CACNA2D1: variants seen among roughly 807,000 people sequenced by gnomAD.
CACNA2D1 encodes the protein voltage-dependent calcium channel subunit alpha-2/delta-1.
Under a neutral mutation model 171.5 loss-of-function variants are expected in CACNA2D1, and 53 were observed. That is an observed-to-expected ratio of 0.31 (90% CI 0.25 to 0.39). CACNA2D1 has a LOEUF of 0.39. CACNA2D1 is among the 10% of genes least tolerant of loss of function. The pLI is 1.00. For missense variants in CACNA2D1, 903 were observed against 1,299.8 expected (o/e 0.69, Z 4.69); for synonymous variants, 442 against 443.1 (o/e 1.00, Z 0.03).
chr7:82,123,490 G>A (rs1268063738), intron 5 of CACNA2D1, among the ~76,000 whole-genome samples: 2 of 152,176 alleles, frequency 1.3e-5, no homozygotes, highest in Non-Finnish European at 2.9e-5. Context: ...GAGAATAATG[G>A]ATAGATGTAA....
intron 4 of CACNA2D1, among the ~76,000 whole-genome samples, chr7:82,138,425 AGTTTT>A (rs1301342132): frequency 3.4e-5 from 4 of 117,410 alleles, no homozygotes; most frequent in African/African-American, 1.3e-4. Context: ...TTATAGCATT[AGTTTT>A]GTTTTTTTTG....
At chr7:82,163,429 G>A (rs780698129) in intron 4 of CACNA2D1, among the ~76,000 whole-genome samples, 4 of 151,914 alleles carry the variant, frequency 2.6e-5, no homozygotes, top group Non-Finnish European at 4.4e-5. Flanking sequence ...TCAGTTCCTG[G>A]AGGTCAATTG....
chr7:82,160,596 G>A (rs915410372), intron 4 of CACNA2D1, among the ~76,000 whole-genome samples: 2 of 152,010 alleles, frequency 1.3e-5, no homozygotes, highest in Non-Finnish European at 2.9e-5. Context: ...CGCCTCCCAA[G>A]TAGCTGGGAC....
intron 3 of CACNA2D1, among the ~76,000 whole-genome samples, chr7:82,327,499 T>C (rs972917856): frequency 5.3e-5 from 8 of 152,230 alleles, no homozygotes; most frequent in African/African-American, 1.9e-4. Flanking sequence ...TATAAAAGTG[T>C]TACTGCTAAA....
chr7:82,390,212 ACC>A (rs1824939896), intron 1 of CACNA2D1, among the ~76,000 whole-genome samples: 1 of 152,166 alleles, frequency 6.6e-6, no homozygotes, highest in Non-Finnish European at 1.5e-5. Flanking sequence ...TAAGGTCTTA[ACC>A]TTCCTCTAAC....
intron 3 of CACNA2D1, among the ~76,000 whole-genome samples, chr7:82,263,282 T>A (rs1443709999): frequency 2.0e-5 from 3 of 151,816 alleles, no homozygotes; most frequent in African/African-American, 7.3e-5. Context: ...CTGATTTTTT[T>A]GTATTTTTAG....
At chr7:82,237,755 C>T (rs894154323) in intron 3 of CACNA2D1, among the ~76,000 whole-genome samples, 1 of 151,918 alleles carries the variant, frequency 6.6e-6, no homozygotes, top group Non-Finnish European at 1.5e-5. Flanking sequence ...CAGTACTTCA[C>T]TATGTGTTGG....
At position 82,438,983 on chromosome 7, in the gene CACNA2D1, TAAATGAGATCAAC is replaced by T. The variant is rs568275997; in HGVS notation, c.95+4369_95+4381del. On this transcript the variant is annotated intron_variant, in intron 1 of 38. Coordinates refer to ENST00000356860, the MANE Select transcript of CACNA2D1 (RefSeq NM_000722.4). Reference sequence around the variant, plus strand: ...GCTTATGTCCATACATATAAGACATTAAATGAGATCAACAAATTGCATGATTTGCCTAAGATAT... The same window carrying T: ...GCTTATGTCCATACATATAAGACATTAAATTGCATGATTTGCCTAAGATAT... Among the ~76,000 whole-genome samples, 17 of 152,294 alleles carry T rather than the reference TAAATGAGATCAAC, an allele frequency of 1.1e-4. No individual in the cohort carries two copies. In the East Asian group the frequency reaches 3.3e-3, roughly 29 times the overall value.
chr7:82,149,466 C>T (rs996884880), intron 4 of CACNA2D1, among the ~76,000 whole-genome samples: 1 of 151,864 alleles, frequency 6.6e-6, no homozygotes, highest in African/African-American at 2.4e-5. Flanking sequence ...CCCTAGGAAC[C>T]CTGGGGAGGC....
At chr7:82,299,344 T>C (rs1812713447) in intron 3 of CACNA2D1, among the ~76,000 whole-genome samples, 1 of 151,868 alleles carries the variant, frequency 6.6e-6, no homozygotes, top group Non-Finnish European at 1.5e-5. Flanking sequence ...GAAAGAACAG[T>C]GAAGATAGTT....
intron 10 of CACNA2D1, among the ~76,000 whole-genome samples, chr7:82,044,712 G>A (rs1379140409): frequency 6.6e-6 from 1 of 152,030 alleles, no homozygotes; most frequent in African/African-American, 2.4e-5. Context: ...GAAAATAAAA[G>A]GAAAATGACC....
intron 3 of CACNA2D1, among the ~76,000 whole-genome samples, chr7:82,259,889 A>C (rs901811080): frequency 6.6e-6 from 1 of 152,228 alleles, no homozygotes; most frequent in African/African-American, 2.4e-5. Context: ...ATATAATTAT[A>C]GTAGGTATGT....
chr7:82,296,872 G>A (rs1812347471), intron 3 of CACNA2D1, among the ~76,000 whole-genome samples: 1 of 151,982 alleles, frequency 6.6e-6, no homozygotes, highest in Non-Finnish European at 1.5e-5. Context: ...TGTAGTTGGT[G>A]ACTGCCTATG....
intron 3 of CACNA2D1, among the ~76,000 whole-genome samples, chr7:82,235,968 G>T (rs1038641848): frequency 6.6e-6 from 1 of 151,896 alleles, no homozygotes; most frequent in South Asian, 2.1e-4. Flanking sequence ...CTCTATATGC[G>T]GATGACTATG....
At chr7:82,036,231 C>T (rs550058593) in intron 11 of CACNA2D1, among the ~76,000 whole-genome samples, 13 of 152,252 alleles carry the variant, frequency 8.5e-5, no homozygotes, top group South Asian at 6.2e-4. Context: ...AGCATCTCTA[C>T]GAATACCTTC....
intron 5 of CACNA2D1, among the ~76,000 whole-genome samples, chr7:82,130,791 C>CTTTTTTTTTTTTTTTTTTTTTTTTT (rs71093363): frequency 5.7e-5 from 6 of 105,846 alleles, no homozygotes; most frequent in African/African-American, 1.2e-4. Flanking sequence ...TTGTTTTTGT[C>CTTTTTTTTTTTTTTTTTTTTTTTTT]TTTTTTTTTT....
At chr7:82,249,274 G>C (rs893449524) in intron 3 of CACNA2D1, among the ~76,000 whole-genome samples, 2 of 152,096 alleles carry the variant, frequency 1.3e-5, no homozygotes, top group Non-Finnish European at 2.9e-5. Context: ...TGAGTCTTAA[G>C]GAATAAATGT....
chr7:82,389,647 T>C (rs1824866967), intron 1 of CACNA2D1, among the ~76,000 whole-genome samples: 1 of 152,180 alleles, frequency 6.6e-6, no homozygotes, highest in Non-Finnish European at 1.5e-5. Context: ...CATTCTTACT[T>C]GATGTATGAC....
At chr7:81,995,378 G>A (rs1384947199) in intron 19 of CACNA2D1, among the ~76,000 whole-genome samples, 1 of 152,174 alleles carries the variant, frequency 6.6e-6, no homozygotes, top group East Asian at 1.9e-4. Context: ...ACACTTTTTA[G>A]TTTGTAATTC....
Sources: gnomAD v4.1 joint callset for allele counts (sites outside exome capture counted in the v4.1 genomes callset) on GRCh38, gnomAD v4.1.1 for gene constraint, MANE v1.5 for transcripts, NCBI Gene and HGNC (gene_info 2026-07-23, HGNC 2026-07-21) for gene names.